DHRS7B: variants seen among roughly 807,000 people sequenced by gnomAD.
The protein encoded by DHRS7B is peroxisomal reductase activating PPAR-gamma.
In DHRS7B, 24 loss-of-function variants were observed where a neutral mutation model predicts 26.4. That is an observed-to-expected ratio of 0.91 (90% confidence interval 0.66 to 1.28). The LOEUF is 1.28. DHRS7B is among the 50% of genes most tolerant of loss of function. DHRS7B has a pLI of 0.00. For synonymous variants in DHRS7B, 142 were observed against 166.4 expected (o/e 0.85, Z 1.13); for missense variants, 368 against 419.4 (o/e 0.88, Z 1.07).
intron 5 of DHRS7B, among the ~76,000 whole-genome samples, chr17:21,186,397 A>G (rs1023127774): frequency 2.0e-5 from 3 of 152,170 alleles, no homozygotes; most frequent in African/African-American, 7.2e-5. Flanking sequence ...GGGGACTTAC[A>G]TGATAACCCA....
intron 1 of DHRS7B, among the ~76,000 whole-genome samples, chr17:21,156,032 CTAAGTT>C (rs1309328804): frequency 2.6e-5 from 4 of 151,962 alleles, no homozygotes; most frequent in Admixed American, 6.6e-5. Context: ...AATCAACAAT[CTAAGTT>C]TATACTTTAG....
chr17:21,158,624 C>G (rs1268452369), intron 1 of DHRS7B, among the ~76,000 whole-genome samples: 2 of 152,124 alleles, frequency 1.3e-5, no homozygotes, highest in African/African-American at 4.8e-5. Context: ...TTCTTCCTAG[C>G]TTATCTATGG....
chr17:21,137,088 A>G (rs1029602445), intron 1 of DHRS7B, among the ~76,000 whole-genome samples: 12 of 149,250 alleles, frequency 8.0e-5, no homozygotes, highest in Admixed American at 6.7e-4. Flanking sequence ...CTCCTGTCTC[A>G]GTCTCCTGTG....
At chr17:21,132,163 T>C (rs1973243342) in intron 1 of DHRS7B, among the ~76,000 whole-genome samples, 1 of 152,016 alleles carries the variant, frequency 6.6e-6, no homozygotes, top group South Asian at 2.1e-4. Flanking sequence ...CATGGTTGGA[T>C]AGTATTTGTG....
chr17:21,138,105 C>CACACAA (rs1567616149), intron 1 of DHRS7B, among the ~76,000 whole-genome samples: 1 of 136,142 alleles, frequency 7.3e-6, no homozygotes, highest in African/African-American at 2.8e-5. Context: ...TATATATACA[C>CACACAA]ACACACACAC....
rs778136873 is a variant in DHRS7B at position 21,184,371 on chromosome 17, C to T, written c.527C>T (p.Ala176Val). 6.2e-7 allele frequency: 1 copy of T among 1,613,610 alleles called. No individual in the cohort carries two copies. Among genetic ancestry groups the T allele is most frequent in the South Asian group, 1.1e-5 (1 of 90,992 alleles). Residue 176 changes from alanine (A) to valine (V), a missense_variant and splice_region_variant, in exon 5 of 7, where the codon GCA becomes GTA. Ala to Val is a moderately conservative substitution (Grantham distance 64). Coordinates refer to ENST00000395511, the MANE Select transcript of DHRS7B (RefSeq NM_015510.5). ...CCTAAGCCTCTGCATCTGTCCTCAG[C>T]ACTCCTGCCCTCCATGATCAAGAGG... ...NYFGPVALTK[A>V]LLPSMIKRRQ...
intron 1 of DHRS7B, among the ~76,000 whole-genome samples, chr17:21,164,459 G>A: frequency 6.6e-6 from 1 of 152,176 alleles, no homozygotes; most frequent in Admixed American, 6.5e-5. Flanking sequence ...ATTTATGTTG[G>A]CATCTTGTCT....
In DHRS7B at chr17:21,178,241, A is replaced by G. The variant is rs1184289279; in HGVS notation, c.208A>G (p.Lys70Glu). 1 of 1,614,230 alleles carries G rather than the reference A, an allele frequency of 6.2e-7. No individual in the cohort carries two copies. The highest frequency in any genetic ancestry group is 1.7e-5 in the Admixed American group (1 of 60,022). The change falls in exon 3 of 7, where the codon AAA (lysine) becomes GAA (glutamate). Residue 70 changes from lysine (K) to glutamate (E), a missense_variant. Physicochemically the swap from Lys to Glu is moderately conservative, Grantham distance 56. Transcript: ENST00000395511. The part of the protein sequence containing the change: ...ATSGLGKECA[K>E]VFYAAGAKLV... ...CTTTTCTCTTCCCTTAGAATGTGCA[A>G]AAGTCTTCTATGCTGCGGGTGCTAA...
At chr17:21,160,381 A>G (rs2144053791) in intron 1 of DHRS7B, among the ~76,000 whole-genome samples, 1 of 152,324 alleles carries the variant, frequency 6.6e-6, no homozygotes, top group East Asian at 1.9e-4. Context: ...TTAAAAAATT[A>G]AAAATGAACA....
At chr17:21,154,908 T>A (rs929621226) in intron 1 of DHRS7B, among the ~76,000 whole-genome samples, 1 of 152,158 alleles carries the variant, frequency 6.6e-6, no homozygotes, top group African/African-American at 2.4e-5. Context: ...GAAAGTGGAC[T>A]TGGATTCATT....
At chr17:21,127,442 T>C (rs1973125164) in intron 1 of DHRS7B, 1 of 165,508 alleles carries the variant, frequency 6.0e-6, no homozygotes, top group South Asian at 1.6e-4. Context: ...GAGTTAGGAC[T>C]AGCAAAGGAA....
intron 1 of DHRS7B, among the ~76,000 whole-genome samples, chr17:21,155,105 A>T (rs1195951282): frequency 6.6e-6 from 1 of 152,248 alleles, no homozygotes; most frequent in African/African-American, 2.4e-5. Context: ...ATGAAAAAAA[A>T]TTAACGAATA....
At chr17:21,182,608 G>A (rs532166610) in intron 3 of DHRS7B, among the ~76,000 whole-genome samples, 3 of 151,880 alleles carry the variant, frequency 2.0e-5, no homozygotes, top group African/African-American at 4.8e-5. Flanking sequence ...GGCTGGCCTC[G>A]AACTCCTGGG....
chr17:21,153,378 G>C (rs1020612458), intron 1 of DHRS7B, among the ~76,000 whole-genome samples: 1 of 151,896 alleles, frequency 6.6e-6, no homozygotes, highest in Non-Finnish European at 1.5e-5. Flanking sequence ...AAAAAAACAG[G>C]AACAAAATAT....
intron 1 of DHRS7B, among the ~76,000 whole-genome samples, chr17:21,160,093 C>T (rs537034374): frequency 1.3e-5 from 2 of 151,840 alleles, no homozygotes; most frequent in African/African-American, 2.4e-5. Context: ...TGGTGGCTCA[C>T]GCCTGTATTC....
chr17:21,126,985 C>A lies in DHRS7B; in HGVS notation c.14C>A (p.Ala5Asp). 1 of 1,533,452 alleles carries A rather than the reference C, an allele frequency of 6.5e-7. No individual in the cohort carries two copies. Among genetic ancestry groups the A allele is most frequent in the Non-Finnish European group, 8.8e-7 (1 of 1,139,586 alleles). 95.0% of individuals were successfully genotyped at this position (1,533,452 alleles called of 1,614,324 possible). Reference protein sequence around the residue: MVSPATRKSLPKVKA... With the variant: MVSPDTRKSLPKVKA... ...AGTTGATTGACTATGGTCTCTCCGG[C>A]TACCAGGTAGGGGCTGGGGAAGAAG... The change falls in exon 1 of 7, where the codon GCT becomes GAT. Residue 5 changes from alanine (A) to aspartate (D), a missense_variant. Transcript: ENST00000395511.
rs1026257044 is a variant in DHRS7B, at chr17:21,140,146, T to A, written c.20+13155T>A. Among the ~76,000 whole-genome samples the A allele has an allele frequency of 2.0e-5, 3 of 149,892 alleles. No homozygotes were observed. The East Asian group carries it at 6.1e-4, about 30-fold the overall frequency. On this transcript the variant is annotated intron_variant, in intron 1 of 6. Coordinates refer to ENST00000395511, the MANE Select transcript of DHRS7B (RefSeq NM_015510.5). ...TTCACGCCATTCTCTTGCCTCAGCC[T>A]CCCCCTAGCTGGGACTACAGGCGCC...
Position 21,127,429 on chromosome 17 carries a change from G to A in DHRS7B, c.20+438G>A, listed in dbSNP as rs544471938. On this transcript the variant is annotated intron_variant, in intron 1 of 6. Coordinates refer to ENST00000395511, the MANE Select transcript of DHRS7B (RefSeq NM_015510.5). ...GGCCAGTGGCACCTTAGCCAGTGAC[G>A]GCGAGTTAGGACTAGCAAAGGAAGT... 4.0e-5 allele frequency: 7 copies of A among 172,994 alleles called. No homozygotes were observed. The South Asian group carries it at 5.8e-4, about 14-fold the overall frequency. 10.7% of individuals were successfully genotyped at this position (172,994 alleles called of 1,614,324 possible).
At chr17:21,174,646 G>C (rs1433930314) in intron 2 of DHRS7B, among the ~76,000 whole-genome samples, 3 of 152,122 alleles carry the variant, frequency 2.0e-5, no homozygotes, top group Non-Finnish European at 2.9e-5. Flanking sequence ...CAGGTTTGAG[G>C]CAGTCATCTC....
Sources: gnomAD v4.1 joint callset for allele counts (sites outside exome capture counted in the v4.1 genomes callset) on GRCh38, gnomAD v4.1.1 for gene constraint, MANE v1.5 for transcripts, NCBI Gene and HGNC (gene_info 2026-07-23, HGNC 2026-07-21) for gene names.